CNOT1: variants seen among roughly 807,000 people sequenced by gnomAD.
CNOT1 encodes the protein CCR4-NOT transcription complex subunit 1, also known as CCR4-associated factor 1.
Under a neutral mutation model 273.8 loss-of-function variants are expected in CNOT1, and 15 were observed. The observed-to-expected ratio is 0.05, with a 90% CI of 0.04 to 0.08. The LOEUF is 0.08. CNOT1 is among the 10% of genes least tolerant of loss of function. The pLI, the probability that CNOT1 is intolerant of heterozygous loss-of-function variation, is 1.00. For missense variants in CNOT1, 1,644 were observed against 2,912.2 expected, an observed-to-expected ratio of 0.56 and a Z score of 10.02; for synonymous variants, 1,022 against 1,005.5, an observed-to-expected ratio of 1.02 and a Z score of -0.31.
Position 58,547,430 on chromosome 16 carries a change from A to T in CNOT1, c.3640-134T>A, listed in dbSNP as rs1470097200. 5 of 1,508,118 alleles carry T rather than the reference A, an allele frequency of 3.3e-6. No individual in the cohort carries two copies. The highest frequency in any genetic ancestry group is 4.0e-4 in the Middle Eastern group (2 of 4,980). 93.4% of individuals were successfully genotyped at this position (1,508,118 alleles called of 1,614,324 possible). On this transcript the variant is annotated intron_variant, in intron 26 of 48. Transcript: ENST00000317147. The surrounding 1 kb of genome is among the most constrained non-coding windows in gnomAD (Gnocchi z 4.0). ...ATAATGTCTAGTCCTTGCCTTACAAAAAGGGGTTAACAACTCAAAACGTGG... is the reference window on the plus strand; with the variant it reads ...ATAATGTCTAGTCCTTGCCTTACAATAAGGGGTTAACAACTCAAAACGTGG...
rs143452891 is a variant in CNOT1 at position 58,585,613 on chromosome 16, C to T, written c.638-107G>A. The T allele has an allele frequency of 2.6e-5, 38 of 1,455,274 alleles. No individual in the cohort carries two copies. The African/African-American group carries it at 4.8e-4, about 19-fold the overall frequency. The allele number at this position is 1,455,274 out of a possible 1,614,324, so 90.1% of individuals were successfully genotyped here. ...CCCAATTCTCTCACAAGTTCATATT[C>T]AAAGCCAAGCTTATTTCATTTTTCC... On this transcript the variant is annotated intron_variant, in intron 7 of 48. Coordinates refer to ENST00000317147, the MANE Select transcript of CNOT1 (RefSeq NM_016284.5).
rs2040780886 is a variant in CNOT1, at chr16:58,560,104, C to CTAA, written c.2130+107_2130+108insTTA. The stretch of plus-strand genomic sequence containing the variant: ...TTAAAATAAGTGGATGCTAGACATG[C>CTAA]AGTTATCTAAAATGTAATAAATTCA... On this transcript the variant is annotated intron_variant, in intron 17 of 48. Coordinates refer to ENST00000317147, the MANE Select transcript of CNOT1 (RefSeq NM_016284.5). The CTAA allele has an allele frequency of 3.9e-6, 6 of 1,534,242 alleles. No homozygotes were observed. The South Asian group carries it at 5.2e-5, about 13-fold the overall frequency.
chr16:58,539,466 T>TACACACACACAC (rs55998166), intron 35 of CNOT1, among the ~76,000 whole-genome samples: 4 of 145,680 alleles, frequency 2.7e-5, no homozygotes, highest in East Asian at 2.1e-4. Context: ...CCCTGTCTCT[T>TACACACACACAC]ACACACACAC....
Position 58,586,690 on chromosome 16 carries a change from G to T in CNOT1, c.492C>A (p.Asp164Glu), listed in dbSNP as rs759501337. ...AGCCACCTTCTTGATTTCCACTGAC[G>T]TCTGCGTCAATGTAAGAACGCAGAA... ...PDLLRSYIDA[D>E]VSGNQEGGFQ... The change falls in exon 7 of 49, where the codon GAC becomes GAA. Residue 164 changes from aspartate (D) to glutamate (E), a missense_variant. Asp to Glu is a conservative substitution (Grantham distance 45). Coordinates refer to ENST00000317147, the MANE Select transcript of CNOT1 (RefSeq NM_016284.5). The T allele has an allele frequency of 1.2e-6, 2 of 1,613,278 alleles. No individual in the cohort carries two copies. The highest frequency in any genetic ancestry group is 1.7e-6 in the Non-Finnish European group (2 of 1,179,910).
intron 47 of CNOT1, 107 bp from the exon 48 acceptor site, chr16:58,521,424 A>G: frequency 8.8e-7 from 1 of 1,135,044 alleles, no homozygotes; most frequent in Non-Finnish European, 1.3e-6. Flanking sequence ...AACCACATGC[A>G]AAAGTTTTCA....
Position 58,621,701 on chromosome 16 carries a change from G to C in CNOT1, c.-175+8027C>G, listed in dbSNP as rs563430702. Among the ~76,000 whole-genome samples, 17 of 149,430 alleles carry C rather than the reference G, an allele frequency of 1.1e-4. No homozygotes were observed. In the East Asian group the frequency reaches 2.2e-3, roughly 20 times the overall value. ...TGGGAGGCCGAGGCGGGCAGATCAC[G>C]AGGTCAGGAGATCGAGACCATCCTG... On this transcript the variant is annotated intron_variant, in intron 1 of 48. Transcript: ENST00000317147.
At chr16:58,523,783 A>C in intron 46 of CNOT1, 1 of 274,028 alleles carries the variant, frequency 3.6e-6, no homozygotes, top group Non-Finnish European at 7.0e-6. Flanking sequence ...CTCATCACTA[A>C]GTCTTTCTAC....
chr16:58,597,769 G>T, intron 2 of CNOT1: 1 of 502,312 alleles, frequency 2.0e-6, no homozygotes, highest in Non-Finnish European at 4.0e-6. Flanking sequence ...AGGAGTCCAG[G>T]GGCCCAAGGC....
chr16:58,543,832 C>T lies in CNOT1; in HGVS notation c.4209G>A (p.Glu1403=), dbSNP rs1477533344. Residue 1403 remains glutamate, a synonymous_variant, in exon 31 of 49, where the codon GAG becomes GAA. Coordinates refer to ENST00000317147, the MANE Select transcript of CNOT1 (RefSeq NM_016284.5). ...ATCGATCCACCACAGGATGGACCAGCTCCTGGACAGCCCGTTCAATTGCCT... is the reference window on the plus strand; with the variant it reads ...ATCGATCCACCACAGGATGGACCAGTTCCTGGACAGCCCGTTCAATTGCCT... ...VRQAIERAVQ[E]LVHPVVDRSI... is the part of the protein sequence containing the mutation. 4 of 1,614,126 alleles carry T rather than the reference C, an allele frequency of 2.5e-6. No individual in the cohort carries two copies. The highest frequency in any genetic ancestry group is 3.4e-6 in the Non-Finnish European group (4 of 1,180,020).
intron 1 of CNOT1, among the ~76,000 whole-genome samples, chr16:58,608,553 CA>C (rs11397997): frequency 8.9e-4 from 115 of 129,724 alleles, no homozygotes; most frequent in South Asian, 2.3e-3. Context: ...GACTCTGTCT[CA>C]AAAAAAAAAA....
rs146400610 is a variant in CNOT1 at position 58,579,744 on chromosome 16, C to T, written c.1344-805G>A. ...GCCGCGCTCTCTCCCTGTAGCCCTG[C>T]GTACTTCAAAAATGATCAAAGTACT... On this transcript the variant is annotated intron_variant, in intron 12 of 48. Coordinates refer to ENST00000317147, the MANE Select transcript of CNOT1 (RefSeq NM_016284.5). 1.7e-3 allele frequency among the ~76,000 whole-genome samples: 263 copies of T among 152,250 alleles called. 1 individual carries two copies. The highest frequency in any genetic ancestry group is 5.9e-3 in the African/African-American group (244 of 41,554).
chr16:58,591,247 T>A (rs2042041670), intron 2 of CNOT1, among the ~76,000 whole-genome samples: 1 of 152,150 alleles, frequency 6.6e-6, no homozygotes, highest in Admixed American at 6.6e-5. Context: ...GAGACTGTGT[T>A]ATCAACCTAA....
At position 58,543,673 on chromosome 16, in the gene CNOT1, T is replaced by C. The variant is rs748935916; in HGVS notation, c.4368A>G (p.Thr1456=). 9 of 1,614,224 alleles carry C rather than the reference T, an allele frequency of 5.6e-6. No individual in the cohort carries two copies. The highest frequency in any genetic ancestry group is 1.7e-5 in the Admixed American group (1 of 60,018). ...RNLTAGMAMI[T]CREPLLMSIS... Reference sequence around the variant, plus strand: ...TGCTCATGAGCAAAGGTTCCCTGCATGTAATCATAGCCATTCCAGCTGTCA... The same window carrying C: ...TGCTCATGAGCAAAGGTTCCCTGCACGTAATCATAGCCATTCCAGCTGTCA... The change falls in exon 31 of 49, where the codon ACA becomes ACG. Residue 1456 remains threonine (T), a synonymous_variant. Coordinates refer to ENST00000317147, the MANE Select transcript of CNOT1 (RefSeq NM_016284.5).
intron 1 of CNOT1, among the ~76,000 whole-genome samples, chr16:58,622,495 A>G (rs1030604119): frequency 6.6e-6 from 1 of 152,154 alleles, no homozygotes; most frequent in Non-Finnish European, 1.5e-5. Context: ...AAAACCTAGA[A>G]GCTATAAATC....
Position 58,582,834 on chromosome 16 carries a change from T to G in CNOT1, c.1003A>C (p.Thr335Pro), listed in dbSNP as rs1248070574. Residue 335 changes from threonine to proline, a missense_variant, in exon 10 of 49, where the codon ACA (threonine) becomes CCA (proline). Transcript: ENST00000317147. ...TCAATCAAGACTTCTACATTCCATGTGTGTGCCTGTGCTCCATCACTTTTA... is the reference window on the plus strand; with the variant it reads ...TCAATCAAGACTTCTACATTCCATGGGTGTGCCTGTGCTCCATCACTTTTA... ...KDKSDGAQAH[T>P]WNVEVLIDVL... 6.4e-7 allele frequency: 1 copy of G among 1,566,384 alleles called. No homozygotes were observed. The highest frequency in any genetic ancestry group is 8.8e-7 in the Non-Finnish European group (1 of 1,136,486).
At chr16:58,534,669 A>G (rs1298602256) in intron 39 of CNOT1, among the ~76,000 whole-genome samples, 1 of 152,240 alleles carries the variant, frequency 6.6e-6, no homozygotes, top group African/African-American at 2.4e-5. Flanking sequence ...CCACCAAATA[A>G]TGTGAAAAAT....
intron 1 of CNOT1, among the ~76,000 whole-genome samples, chr16:58,625,093 T>C (rs774771015): frequency 2.0e-5 from 3 of 151,404 alleles, no homozygotes; most frequent in South Asian, 4.2e-4. Flanking sequence ...ACCAAAAAAA[T>C]ACAAAAATTA....
chr16:58,583,806 T>C (rs548342781), intron 8 of CNOT1, among the ~76,000 whole-genome samples: 1 of 152,056 alleles, frequency 6.6e-6, no homozygotes, highest in Non-Finnish European at 1.5e-5. Context: ...CCCAAAGTGC[T>C]GGGATTACAG....
At chr16:58,555,578 C>T (rs780447675) in intron 20 of CNOT1, 41 bp from the exon 21 acceptor site, 1 of 1,586,734 alleles carries the variant, frequency 6.3e-7, no homozygotes, top group East Asian at 2.2e-5. Flanking sequence ...ATAAAGGAAA[C>T]AATTACTAAG....
Sources: allele counts gnomAD v4.1 joint callset (sites outside exome capture counted in the v4.1 genomes callset), GRCh38; gene constraint gnomAD v4.1.1; non-coding constraint Gnocchi (gnomAD v3.1); transcripts MANE v1.5; gene names NCBI Gene and HGNC (gene_info 2026-07-23, HGNC 2026-07-21).